TMEM231: variants seen among roughly 807,000 people sequenced by gnomAD.
The protein encoded by TMEM231 is transmembrane protein 231.
Under a neutral mutation model 38.5 loss-of-function variants are expected in TMEM231, and 40 were observed. The observed-to-expected ratio is 1.04, with a 90% confidence interval of 0.81 to 1.35. The LOEUF is 1.35. TMEM231 is among the 40% of genes most tolerant of loss of function. The pLI, the probability that TMEM231 is intolerant of heterozygous loss-of-function variation, is 0.00. For synonymous variants in TMEM231, 199 were observed against 181.7 expected, an observed-to-expected ratio of 1.10 and a Z score of -0.77; for missense variants, 420 against 416.9, an observed-to-expected ratio of 1.01 and a Z score of -0.07.
chr16:75,542,482 T>C, intron 5 of TMEM231, 120 bp downstream of exon 5: 1 of 925,324 alleles, frequency 1.1e-6, no homozygotes. Flanking sequence ...GCTCCCATCG[T>C]TGAGCATTCA....
Position 75,539,241 on chromosome 16 carries a change from C to A in TMEM231, c.*753G>T, listed in dbSNP as rs1440785044. On this transcript the variant is annotated 3_prime_UTR_variant, in exon 7 of 7. Transcript: ENST00000258173. ...TCTTCCCCCAGTGCTGCTGAGGGGG[C>A]TGAGAATGAAACAGCCCCTCTGACT... The A allele has an allele frequency of 6.6e-6, 1 of 152,118 alleles. No individual in the cohort carries two copies. Among genetic ancestry groups the A allele is most frequent in the Admixed American group, 6.6e-5 (1 of 15,266 alleles). 9.4% of individuals were successfully genotyped at this position (152,118 alleles called of 1,614,324 possible). A position where few individuals can be genotyped will look rare whatever the true frequency, so the allele number is the denominator to read the frequency against.
intron 6 of TMEM231, 31 bp from the exon 7 acceptor site, chr16:75,540,205 T>A: frequency 1.3e-6 from 2 of 1,585,138 alleles, no homozygotes; most frequent in Non-Finnish European, 1.7e-6. Flanking sequence ...AAGGGCCACA[T>A]GGTGTTAAGT....
chr16:75,541,450 T>C lies in TMEM231; in HGVS notation c.670A>G (p.Thr224Ala). The change falls in exon 6 of 7, where the codon ACC (threonine) becomes GCC (alanine). Residue 224 changes from threonine (T) to alanine (A), a missense_variant. Thr to Ala is a moderately conservative substitution (Grantham distance 58). Transcript: ENST00000258173. Reference sequence around the variant, plus strand: ...ATGGGGTTGGGATCATTCAGGACGGTGGTAACTGCAATGCAATCATTAACC... The same window carrying C: ...ATGGGGTTGGGATCATTCAGGACGGCGGTAACTGCAATGCAATCATTAACC... ...VAAYQERNVT[T>A]VLNDPNPIWL... 6.2e-7 allele frequency: 1 copy of C among 1,603,876 alleles called. No individual in the cohort carries two copies. The highest frequency in any genetic ancestry group is 8.5e-7 in the Non-Finnish European group (1 of 1,173,550).
intron 2 of TMEM231, among the ~76,000 whole-genome samples, chr16:75,553,135 C>T (rs2080779649): frequency 6.6e-6 from 1 of 152,230 alleles, no homozygotes; most frequent in Non-Finnish European, 1.5e-5. Flanking sequence ...TGCAAAGCCA[C>T]CTCCCAGCAC....
At chr16:75,552,271 T>C (rs11642713) in intron 2 of TMEM231, among the ~76,000 whole-genome samples, 22,024 of 152,102 alleles carry the variant, frequency 0.14, 1,719 homozygotes, top group Middle Eastern at 0.22. Context: ...CTGGCCAACA[T>C]GGTAAAACCT....
intron 2 of TMEM231, among the ~76,000 whole-genome samples, chr16:75,547,125 T>C (rs1325519485): frequency 6.6e-6 from 1 of 152,248 alleles, no homozygotes; most frequent in African/African-American, 2.4e-5. Flanking sequence ...ATGGTCCCTC[T>C]GCACAACTCT....
At position 75,545,419 on chromosome 16, in the gene TMEM231, A is replaced by G; in HGVS notation, c.515T>C (p.Val172Ala). The change falls in exon 4 of 7, where the codon GTG becomes GCG. Residue 172 changes from valine (V) to alanine (A), a missense_variant. Val to Ala is a moderately conservative substitution (Grantham distance 64, BLOSUM62 0). Coordinates refer to ENST00000258173, the MANE Select transcript of TMEM231 (RefSeq NM_001077418.3). ...CTGCTGCAGCCTCAGGTCTCCGTTC[A>G]CGTATAACTGGGATCCCGGGACAGG... is the stretch of plus-strand genomic sequence containing the variant. Reference protein sequence around the residue: ...SFPVPGSQLYVNGDLRLQQKQ... With the variant: ...SFPVPGSQLYANGDLRLQQKQ... 1.2e-6 allele frequency: 2 copies of G among 1,609,852 alleles called. No individual in the cohort carries two copies. The highest frequency in any genetic ancestry group is 2.2e-5 in the East Asian group (1 of 44,772).
chr16:75,539,260 T>C lies in TMEM231; in HGVS notation c.*734A>G. ...AGGGGGCTGAGAATGAAACAGCCCC[T>C]CTGACTTCAGCCTGCCATCCAGGGG... On this transcript the variant is annotated 3_prime_UTR_variant, in exon 7 of 7. Transcript: ENST00000258173. The C allele has an allele frequency of 6.6e-6, 1 of 152,304 alleles. No individual in the cohort carries two copies. Among genetic ancestry groups the C allele is most frequent in the African/African-American group, 2.4e-5 (1 of 41,572 alleles). 9.4% of individuals were successfully genotyped at this position (152,304 alleles called of 1,614,324 possible). A position where few individuals can be genotyped will look rare whatever the true frequency, so the allele number is the denominator to read the frequency against.
chr16:75,555,818 C>A lies in TMEM231; in HGVS notation c.295G>T (p.Val99Phe), dbSNP rs771086104. 1 of 1,549,028 alleles carries A rather than the reference C, an allele frequency of 6.5e-7. No individual in the cohort carries two copies. Residue 99 changes from valine to phenylalanine, a missense_variant, in exon 2 of 7, where the codon GTC becomes TTC. Physicochemically the swap from Val to Phe is conservative, Grantham distance 50. Coordinates refer to ENST00000258173, the MANE Select transcript of TMEM231 (RefSeq NM_001077418.3). ...GAACCACGCACCGAAACGAGCGGGA[C>A]GCGCAGGCGATCCCCTTGCAGCCGG... ...FNRLQGDRLR[V>F]PLVSTREEDR...
chr16:75,543,046 C>T (rs2080645948), intron 4 of TMEM231, among the ~76,000 whole-genome samples: 1 of 152,112 alleles, frequency 6.6e-6, no homozygotes, highest in Admixed American at 6.6e-5. Flanking sequence ...TAAAATACCC[C>T]TCTTTATCTC....
intron 4 of TMEM231, among the ~76,000 whole-genome samples, chr16:75,544,721 C>A (rs1330973097): frequency 1.3e-5 from 2 of 152,110 alleles, no homozygotes; most frequent in East Asian, 3.9e-4. Context: ...TGCGTGTGAC[C>A]AAGCGTGTGT....
At chr16:75,551,046 A>G (rs1270787419) in intron 2 of TMEM231, among the ~76,000 whole-genome samples, 1 of 152,064 alleles carries the variant, frequency 6.6e-6, no homozygotes, top group African/African-American at 2.4e-5. Flanking sequence ...TTAATTTCCT[A>G]GTTTATACCA....
intron 2 of TMEM231, chr16:75,555,048 A>C (rs2080795893): frequency 6.6e-6 from 1 of 152,210 alleles, no homozygotes; most frequent in South Asian, 2.1e-4. Flanking sequence ...AATTTGAAAG[A>C]AGGAAAACCA....
chr16:75,548,421 C>G (rs2080718828), intron 2 of TMEM231, among the ~76,000 whole-genome samples: 1 of 152,170 alleles, frequency 6.6e-6, no homozygotes, highest in Non-Finnish European at 1.5e-5. Context: ...ACGCCAGGCA[C>G]TATTTCAAAT....
chr16:75,554,650 G>A (rs2080792897), intron 2 of TMEM231, among the ~76,000 whole-genome samples: 2 of 151,978 alleles, frequency 1.3e-5, no homozygotes, highest in Non-Finnish European at 2.9e-5. Flanking sequence ...GAATACAGCT[G>A]ATTAATAAGT....
intron 4 of TMEM231, among the ~76,000 whole-genome samples, chr16:75,542,971 T>A (rs943618044): frequency 6.6e-6 from 1 of 152,202 alleles, no homozygotes; most frequent in African/African-American, 2.4e-5. Flanking sequence ...TTACTCTCAG[T>A]CTTTCTTTCT....
chr16:75,545,417 T>G lies in TMEM231; in HGVS notation c.517A>C (p.Asn173His), dbSNP rs1207715344. 3.7e-6 allele frequency: 6 copies of G among 1,609,918 alleles called. No homozygotes were observed. The highest frequency in any genetic ancestry group is 5.1e-6 in the Non-Finnish European group (6 of 1,177,992). ...FPVPGSQLYVNGDLRLQQKQP... is the reference protein window; with the variant it reads ...FPVPGSQLYVHGDLRLQQKQP... ...TTCTGCTGCAGCCTCAGGTCTCCGT[T>G]CACGTATAACTGGGATCCCGGGACA... The change falls in exon 4 of 7, where the codon AAC (asparagine) becomes CAC (histidine). Residue 173 changes from asparagine (N) to histidine (H), a missense_variant. Physicochemically the swap from Asn to His is moderately conservative, Grantham distance 68. Transcript: ENST00000258173.
chr16:75,542,804 C>A (rs2043713849), intron 4 of TMEM231, 121 bp from the exon 5 acceptor site: 1 of 721,648 alleles, frequency 1.4e-6, no homozygotes, highest in South Asian at 1.8e-5. Context: ...TGGCCTACTG[C>A]AGTATCAATA....
At position 75,538,307 on chromosome 16, in the gene TMEM231, A is replaced by C. The variant is rs2080581539; in HGVS notation, c.*1687T>G. ...GGAATGAACCACCATGCTCGGCCTC[A>C]TTTTGAACATTTTAATTAGAAAGTT... is the stretch of plus-strand genomic sequence containing the variant. On this transcript the variant is annotated 3_prime_UTR_variant, in exon 7 of 7. Transcript: ENST00000258173. 1 of 152,166 alleles carries C rather than the reference A, an allele frequency of 6.6e-6. No homozygotes were observed. Among genetic ancestry groups the C allele is most frequent in the African/African-American group, 2.4e-5 (1 of 41,428 alleles). The allele number at this position is 152,166 out of a possible 1,614,324, so 9.4% of individuals were successfully genotyped here.
Sources: allele counts gnomAD v4.1 joint callset (sites outside exome capture counted in the v4.1 genomes callset), GRCh38; gene constraint gnomAD v4.1.1; transcripts MANE v1.5; gene names NCBI Gene and HGNC (gene_info 2026-07-23, HGNC 2026-07-21).